DIP2A: variants seen among roughly 807,000 people sequenced by gnomAD.
DIP2A encodes the protein DIP2 acetate--CoA ligase A.
In DIP2A, 85 loss-of-function variants were observed where a neutral mutation model predicts 177.4. That is an observed-to-expected ratio of 0.48 (90% CI 0.40 to 0.57). The LOEUF is 0.57. DIP2A is among the 20% of genes least tolerant of loss of function. The probability of loss-of-function intolerance (pLI) is 0.00; values close to 1 mark genes in which losing one functional copy is unlikely to be tolerated. For missense variants in DIP2A, 1,791 were observed against 2,100.2 expected, an observed-to-expected ratio of 0.85 and a Z score of 2.88; for synonymous variants, 886 against 881.8, an observed-to-expected ratio of 1.00 and a Z score of -0.08.
At chr21:46,512,364 C>T (rs1258865519) in intron 8 of DIP2A, among the ~76,000 whole-genome samples, 1 of 152,138 alleles carries the variant, frequency 6.6e-6, no homozygotes, top group Non-Finnish European at 1.5e-5. Context: ...GGACATACTG[C>T]CAAACAGTTT....
chr21:46,539,394 C>T (rs1396318313), intron 16 of DIP2A: 1 of 198,620 alleles, frequency 5.0e-6, no homozygotes, highest in Non-Finnish European at 1.0e-5. Context: ...ACCCCCAGAG[C>T]CTCTCATTCT....
chr21:46,495,237 C>CTT (rs1568967510), intron 3 of DIP2A, among the ~76,000 whole-genome samples: 931 of 60,166 alleles, frequency 0.015, 2 homozygotes, highest in African/African-American at 0.019. Context: ...CTCTTCTCTT[C>CTT]TCTTCTTTCT....
intron 17 of DIP2A, 133 bp downstream of exon 17, chr21:46,540,124 C>T: frequency 1.4e-6 from 1 of 708,948 alleles, no homozygotes; most frequent in Non-Finnish European, 2.4e-6. Flanking sequence ...GTGCCTGGCC[C>T]CCCACATTTT....
At chr21:46,510,755 C>T (rs763415863) in intron 7 of DIP2A, among the ~76,000 whole-genome samples, 25 of 151,250 alleles carry the variant, frequency 1.7e-4, no homozygotes, top group Admixed American at 1.4e-3. Context: ...CTCAGCCTCC[C>T]GAGTAGCTGG....
chr21:46,494,479 C>G (rs1343058042), intron 3 of DIP2A, among the ~76,000 whole-genome samples: 2 of 152,172 alleles, frequency 1.3e-5, no homozygotes, highest in Non-Finnish European at 2.9e-5. Context: ...TTTCTCAGTT[C>G]TTAGATTGAT....
intron 8 of DIP2A, among the ~76,000 whole-genome samples, chr21:46,526,695 T>C (rs1232255398): frequency 6.6e-6 from 1 of 152,188 alleles, no homozygotes; most frequent in Non-Finnish European, 1.5e-5. Flanking sequence ...GCGCCAGGCC[T>C]GTTTACTCTG....
At chr21:46,555,668 C>G in intron 28 of DIP2A, 1 of 361,848 alleles carries the variant, frequency 2.8e-6, no homozygotes, top group Non-Finnish European at 5.2e-6. Context: ...GGCTCTGTGA[C>G]TTTTGGCAAA....
At chr21:46,528,508 T>TACTG (rs2059205358) in intron 8 of DIP2A, among the ~76,000 whole-genome samples, 1 of 133,784 alleles carries the variant, frequency 7.5e-6, no homozygotes, top group Non-Finnish European at 1.5e-5. Context: ...GTATACCAAA[T>TACTG]ACTGACTTTT....
chr21:46,557,894 C>G lies in DIP2A; in HGVS notation c.3798+141C>G. Reference sequence around the variant, plus strand: ...AGAAAACCCTTTCCCACTAGGGGCCCTATGTACACATCTGTCCTCCCACGG... The same window carrying G: ...AGAAAACCCTTTCCCACTAGGGGCCGTATGTACACATCTGTCCTCCCACGG... On this transcript the variant is annotated intron_variant, in intron 31 of 37. Coordinates refer to ENST00000417564, the MANE Select transcript of DIP2A (RefSeq NM_015151.4). The surrounding 1 kb of genome is among the most constrained non-coding windows in gnomAD (Gnocchi z 6.0). 9.3e-7 allele frequency: 1 copy of G among 1,076,664 alleles called. No individual in the cohort carries two copies. Among genetic ancestry groups the G allele is most frequent in the Admixed American group, 2.6e-5 (1 of 38,276 alleles). 66.7% of individuals were successfully genotyped at this position (1,076,664 alleles called of 1,614,324 possible).
At chr21:46,522,123 A>T (rs1267791646) in intron 8 of DIP2A, among the ~76,000 whole-genome samples, 1 of 152,230 alleles carries the variant, frequency 6.6e-6, no homozygotes, top group Non-Finnish European at 1.5e-5. Context: ...TTATTTTACC[A>T]ATAGTCTTTA....
rs756288128 is a variant in DIP2A at position 46,539,517 on chromosome 21, C to CA, written c.1922-359dup. 1.2e-3 allele frequency: 401 copies of CA among 344,650 alleles called. 2 individuals are homozygous for CA. Among genetic ancestry groups the CA allele is most frequent in the Middle Eastern group, 4.1e-3 (4 of 976 alleles). The allele number at this position is 344,650 out of a possible 1,614,324, so 21.3% of individuals were successfully genotyped here. ...CACTCCGTGGTCCCCATGGTGGAGTCAGAGTGTGCACCTCCTCTCCAGTGC... is the reference window on the plus strand; with the variant it reads ...CACTCCGTGGTCCCCATGGTGGAGTCAAGAGTGTGCACCTCCTCTCCAGTGC... On this transcript the variant is annotated intron_variant, in intron 16 of 37. Coordinates refer to ENST00000417564, the MANE Select transcript of DIP2A (RefSeq NM_015151.4).
Position 46,565,897 on chromosome 21 carries a change from TGTG to T in DIP2A, c.4339+14_4339+16del, listed in dbSNP as rs752881145. On this transcript the variant is annotated intron_variant, in intron 36 of 37. Coordinates refer to ENST00000417564, the MANE Select transcript of DIP2A (RefSeq NM_015151.4). ...ACTGATGCCAGTGGAGGTGAGGGGTTGTGGTGAAGCCCTGCGTGAGTGCTGTGC... is the reference window on the plus strand; with the variant it reads ...ACTGATGCCAGTGGAGGTGAGGGGTTGTGAAGCCCTGCGTGAGTGCTGTGC... 1.2e-6 allele frequency: 2 copies of T among 1,613,610 alleles called. No homozygotes were observed. The highest frequency in any genetic ancestry group is 2.7e-5 in the African/African-American group (2 of 75,024).
chr21:46,537,211 T>C lies in DIP2A; in HGVS notation c.1643-13T>C, dbSNP rs1452745063. The C allele has an allele frequency of 6.2e-7, 1 of 1,614,012 alleles. No individual in the cohort carries two copies. The highest frequency in any genetic ancestry group is 1.3e-5 in the African/African-American group (1 of 75,050). On this transcript the variant is annotated splice_polypyrimidine_tract_variant and intron_variant, in intron 13 of 37. Coordinates refer to ENST00000417564, the MANE Select transcript of DIP2A (RefSeq NM_015151.4). This position sits in a 1 kb window ranked among gnomAD's most constrained non-coding sequence, Gnocchi z 4.1. ...GGTTGCTCAGTGGTGTCACCTTCTT[T>C]GTCCACTTGCAGCTGAAACATTAAC...
downstream of DIP2A, among the ~76,000 whole-genome samples, chr21:46,571,863 C>T (rs902991808): frequency 5.3e-5 from 8 of 152,172 alleles, no homozygotes; most frequent in African/African-American, 1.9e-4. Context: ...AATTTGACTT[C>T]CTCTTTTCCT....
chr21:46,572,306 T>C (rs911581528), downstream of DIP2A, among the ~76,000 whole-genome samples: 3 of 152,224 alleles, frequency 2.0e-5, no homozygotes, highest in Non-Finnish European at 4.4e-5. Flanking sequence ...AGAAAAATTA[T>C]GTTTAGTGTA....
intron 21 of DIP2A, among the ~76,000 whole-genome samples, chr21:46,549,126 TTG>T (rs142993944): frequency 1.2e-4 from 18 of 150,678 alleles, no homozygotes; most frequent in Admixed American, 2.0e-4. Flanking sequence ...GTTGTGTAAA[TTG>T]TGTGTGTGTG....
Position 46,539,766 on chromosome 21 carries a change from G to A in DIP2A, c.1922-111G>A, listed in dbSNP as rs770835998. 42 of 869,624 alleles carry A rather than the reference G, an allele frequency of 4.8e-5. No homozygotes were observed. The East Asian group carries it at 8.5e-4, about 18-fold the overall frequency. 53.9% of individuals were successfully genotyped at this position (869,624 alleles called of 1,614,324 possible). ...GGGGCCCCTTCCTTCTGCTGATGCA[G>A]CCCTGTGGTTCCGATGGCCGCAGGC... On this transcript the variant is annotated intron_variant, in intron 16 of 37. Coordinates refer to ENST00000417564, the MANE Select transcript of DIP2A (RefSeq NM_015151.4).
chr21:46,463,044 C>T (rs539132371), intron 1 of DIP2A: 22 of 152,306 alleles, frequency 1.4e-4, no homozygotes, highest in African/African-American at 4.8e-4. Flanking sequence ...ACTTTTCTGG[C>T]TGTTTTGCCC....
the DIP2A span, among the ~76,000 whole-genome samples, chr21:46,576,137 T>G: frequency 1.3e-5 from 2 of 152,128 alleles, no homozygotes; most frequent in Non-Finnish European, 2.9e-5. Context: ...TTTTAAAAAT[T>G]TTTAAGTTCT....
Sources: gnomAD v4.1 joint callset for allele counts (sites outside exome capture counted in the v4.1 genomes callset) on GRCh38, gnomAD v4.1.1 for gene constraint, Gnocchi (gnomAD v3.1) non-coding constraint, MANE v1.5 for transcripts, NCBI Gene and HGNC (gene_info 2026-07-23, HGNC 2026-07-21) for gene names.